Variants in SHOC2 observed in about 807,000 individuals in gnomAD.
SHOC2 encodes leucine-rich repeat protein SHOC-2.
Under a neutral mutation model 50.2 loss-of-function variants are expected in SHOC2, and 4 were observed. The ratio of observed to expected loss-of-function variants is 0.08; its 90% CI spans 0.04 to 0.18. The LOEUF (loss-of-function observed/expected upper bound fraction) is 0.18, where lower values mean the gene tolerates loss of function less well. Among genes scored for constraint, SHOC2 ranks in the 10% least tolerant of loss-of-function variants. The pLI, the probability that SHOC2 is intolerant of heterozygous loss-of-function variation, is 1.00. For synonymous variants in SHOC2, 218 were observed against 244.5 expected (o/e 0.89, Z 1.01); for missense variants, 388 against 669.6 (o/e 0.58, Z 4.64).
At chr10:110,980,225 C>T (rs1175126991) in intron 2 of SHOC2, among the ~76,000 whole-genome samples, 11 of 149,142 alleles carry the variant, frequency 7.4e-5, no homozygotes, top group African/African-American at 2.5e-4. Flanking sequence ...GGCGCAGTCT[C>T]TGCTCACTGC....
intron 2 of SHOC2, among the ~76,000 whole-genome samples, chr10:110,972,465 C>A (rs1467463285): frequency 6.6e-6 from 1 of 152,104 alleles, no homozygotes; most frequent in Non-Finnish European, 1.5e-5. Flanking sequence ...TGGGAACCAG[C>A]AAGAAACATT....
Position 110,940,349 on chromosome 10 carries a change from C to G in SHOC2, c.-235+20692C>G, listed in dbSNP as rs116876373. 5.4e-3 allele frequency among the ~76,000 whole-genome samples: 828 copies of G among 152,154 alleles called. 1 individual carries two copies. Among genetic ancestry groups the G allele is most frequent in the Middle Eastern group, 0.01 (3 of 294 alleles). On this transcript the variant is annotated intron_variant, in intron 1 of 8. Coordinates refer to ENST00000369452, the MANE Select transcript of SHOC2 (RefSeq NM_007373.4). ...TTCTTCTGTGCCTCTTTCAGAGATG[C>G]GTAACTCTCACATACCTTTATATTT...
intron 4 of SHOC2, among the ~76,000 whole-genome samples, chr10:111,002,002 C>T (rs952580570): frequency 4.6e-5 from 7 of 151,282 alleles, no homozygotes; most frequent in East Asian, 1.9e-4. Flanking sequence ...GCCGAGGTGA[C>T]GCCACTGCAG....
intron 1 of SHOC2, among the ~76,000 whole-genome samples, chr10:110,934,402 T>C (rs1846962231): frequency 6.6e-6 from 1 of 152,174 alleles, no homozygotes; most frequent in Admixed American, 6.5e-5. Context: ...AGATGAAATA[T>C]ATCTGTATTC....
At chr10:110,930,001 C>A (rs1433934504) in intron 1 of SHOC2, among the ~76,000 whole-genome samples, 1 of 152,022 alleles carries the variant, frequency 6.6e-6, no homozygotes, top group Non-Finnish European at 1.5e-5. Context: ...GGGAGAAATT[C>A]CTTATTATCC....
chr10:110,997,533 T>TGCTTTTC (rs1848290457), intron 3 of SHOC2, among the ~76,000 whole-genome samples: 1 of 151,932 alleles, frequency 6.6e-6, no homozygotes, highest in African/African-American at 2.4e-5. Flanking sequence ...TCATGCTTTT[T>TGCTTTTC]CCCCCCCAAC....
In SHOC2 at chr10:110,985,703, G is replaced by C; in HGVS notation, c.779G>C (p.Cys260Ser). The change falls in exon 3 of 9, where the codon TGT (cysteine) becomes TCT (serine). Residue 260 changes from cysteine to serine, a missense_variant. By Grantham distance (112) the Cys-to-Ser change is moderately radical. This residue lies in a region of SHOC2 where 88 missense variants were observed against 147.2 expected (regional missense o/e 0.60). Coordinates refer to ENST00000369452, the MANE Select transcript of SHOC2 (RefSeq NM_007373.4). ...CACCTTCCAAAGGAGATTGGAAACT[G>C]TACACAGATAACCAACCTTGACTTG... Reference protein sequence around the residue: ...LEHLPKEIGNCTQITNLDLQH... With the variant: ...LEHLPKEIGNSTQITNLDLQH... The C allele has an allele frequency of 6.2e-7, 1 of 1,612,618 alleles. No homozygotes were observed. The highest frequency in any genetic ancestry group is 8.5e-7 in the Non-Finnish European group (1 of 1,179,278).
chr10:110,975,907 C>A (rs1437576176), intron 2 of SHOC2, among the ~76,000 whole-genome samples: 2 of 149,722 alleles, frequency 1.3e-5, no homozygotes, highest in East Asian at 4.1e-4. Context: ...GCTGGATCTT[C>A]TCTTCTTCTT....
At chr10:110,972,860 A>T (rs1340652593) in intron 2 of SHOC2, among the ~76,000 whole-genome samples, 2 of 152,138 alleles carry the variant, frequency 1.3e-5, no homozygotes, top group African/African-American at 4.8e-5. Flanking sequence ...AACACAGAAA[A>T]ATAGTACTTG....
At position 110,979,606 on chromosome 10, in the gene SHOC2, G is replaced by A. The variant is rs1022982376; in HGVS notation, c.704-6022G>A. Among the ~76,000 whole-genome samples the A allele has an allele frequency of 8.5e-5, 13 of 152,060 alleles. No homozygotes were observed. The South Asian group carries it at 1.0e-3, about 12-fold the overall frequency. ...ATCCACAGTTTTAAATTATCAACAC[G>A]ACTTCACCACCCTTAGCCAGAGCTC... On this transcript the variant is annotated intron_variant, in intron 2 of 8. Coordinates refer to ENST00000369452, the MANE Select transcript of SHOC2 (RefSeq NM_007373.4).
At chr10:110,978,397 G>C (rs1847914445) in intron 2 of SHOC2, among the ~76,000 whole-genome samples, 1 of 152,180 alleles carries the variant, frequency 6.6e-6, no homozygotes, top group Admixed American at 6.5e-5. Context: ...TTAAATTGCT[G>C]TTGAGTCACC....
chr10:110,998,635 G>C (rs900726286), intron 3 of SHOC2, among the ~76,000 whole-genome samples: 1 of 152,164 alleles, frequency 6.6e-6, no homozygotes, highest in Non-Finnish European at 1.5e-5. Context: ...TGATGTATTA[G>C]TAAATGAGTA....
At position 111,013,156 on chromosome 10, in the gene SHOC2, A is replaced by T. The variant is rs894280946; in HGVS notation, c.*1338A>T. The T allele has an allele frequency of 2.0e-5, 3 of 152,218 alleles. No homozygotes were observed. The highest frequency in any genetic ancestry group is 2.0e-4 in the Admixed American group (3 of 15,286). The allele number at this position is 152,218 out of a possible 1,614,324, so 9.4% of individuals were successfully genotyped here. ...CTATTTGATGCGTTTTCTTTGCTTC[A>T]CTGCTTTTAATACTTAGCAGTATTG... On this transcript the variant is annotated 3_prime_UTR_variant, in exon 9 of 9. Transcript: ENST00000369452.
At chr10:110,923,803 T>C (rs1846702295) in intron 1 of SHOC2, among the ~76,000 whole-genome samples, 1 of 152,230 alleles carries the variant, frequency 6.6e-6, no homozygotes, top group African/African-American at 2.4e-5. Context: ...TGCATGACTA[T>C]CTTTTGTTGA....
chr10:110,923,133 A>C (rs575692448), intron 1 of SHOC2, among the ~76,000 whole-genome samples: 105 of 152,144 alleles, frequency 6.9e-4, no homozygotes, highest in African/African-American at 2.4e-3. Flanking sequence ...GTTACACTGC[A>C]TCAAAGTTGT....
intron 1 of SHOC2, among the ~76,000 whole-genome samples, chr10:110,934,129 C>T (rs999827622): frequency 7.9e-5 from 12 of 152,160 alleles, no homozygotes; most frequent in Non-Finnish European, 1.5e-4. Context: ...TTGATGCAGG[C>T]TCTTTGGAAG....
intron 1 of SHOC2, among the ~76,000 whole-genome samples, chr10:110,960,760 C>T: frequency 6.6e-6 from 1 of 152,226 alleles, no homozygotes; most frequent in Admixed American, 6.5e-5. Context: ...ACTGCAACCA[C>T]TGCCTCTTGG....
chr10:110,969,252 T>TC (rs1476596977), intron 2 of SHOC2, among the ~76,000 whole-genome samples: 1 of 152,202 alleles, frequency 6.6e-6, no homozygotes, highest in Non-Finnish European at 1.5e-5. Flanking sequence ...TTCCTGTCAT[T>TC]CCTTCTTTCT....
At chr10:110,967,838 A>G (rs1031227916) in intron 2 of SHOC2, among the ~76,000 whole-genome samples, 1 of 152,200 alleles carries the variant, frequency 6.6e-6, no homozygotes, top group Non-Finnish European at 1.5e-5. Flanking sequence ...ATTTCATTAT[A>G]TGAGTATACC....
Sources: gnomAD v4.1 joint callset for allele counts (sites outside exome capture counted in the v4.1 genomes callset) on GRCh38, gnomAD v4.1.1 for gene constraint, gnomAD v4.1.1 regional missense constraint, MANE v1.5 for transcripts, NCBI Gene and HGNC (gene_info 2026-07-23, HGNC 2026-07-21) for gene names.